RPAP2: variants seen among roughly 807,000 people sequenced by gnomAD.
RPAP2 encodes the protein RNA polymerase II associated protein 2, also known as putative RNA polymerase II subunit B1 CTD phosphatase RPAP2.
A neutral mutation model predicts 73.1 loss-of-function variants in RPAP2; 52 were observed. The observed-to-expected ratio is 0.71, with a 90% CI of 0.57 to 0.90. The LOEUF is 0.90. Ranked by LOEUF, RPAP2 falls within the 40% of genes least tolerant of loss-of-function variation. RPAP2 has a pLI of 0.00. For synonymous variants in RPAP2, 225 were observed against 242.1 expected (o/e 0.93, Z 0.65); for missense variants, 598 against 701.8 (o/e 0.85, Z 1.67).
At chr1:92,309,540 CATA>C (rs1288365204) in intron 6 of RPAP2, among the ~76,000 whole-genome samples, 1 of 4,136 alleles carries the variant, frequency 2.4e-4, no homozygotes, top group African/African-American at 5.4e-3. Context: ...AGGCTACACA[CATA>C]CACATACACA....
Position 92,401,520 on chromosome 1 carries a change from A to G in RPAP2, c.*14509A>G, listed in dbSNP as rs1656317214. 1 of 152,196 alleles carries G rather than the reference A, an allele frequency of 6.6e-6. No homozygotes were observed. Among genetic ancestry groups the G allele is most frequent in the Admixed American group, 6.5e-5 (1 of 15,268 alleles). The allele number at this position is 152,196 out of a possible 1,614,324, so 9.4% of individuals were successfully genotyped here. A position where few individuals can be genotyped will look rare whatever the true frequency, so the allele number is the denominator to read the frequency against. ...TATTGTACTTGTTCTTTGCCAACCC[A>G]TATGTCTTGCCTTACTGCCCTGGTT... On this transcript the variant is annotated 3_prime_UTR_variant, in exon 13 of 13. Coordinates refer to ENST00000610020, the MANE Select transcript of RPAP2 (RefSeq NM_024813.3).
intron 11 of RPAP2, among the ~76,000 whole-genome samples, chr1:92,350,589 CTT>C (rs1204672194): frequency 1.3e-5 from 2 of 152,144 alleles, no homozygotes; most frequent in African/African-American, 4.8e-5. Context: ...ATGTTAGGCT[CTT>C]TCCACAATCT....
rs184638301 is a variant in RPAP2, at chr1:92,354,838, G to A, written c.1688+8924G>A. Among the ~76,000 whole-genome samples, 83 of 150,800 alleles carry A rather than the reference G, an allele frequency of 5.5e-4. 3 individuals carry two copies. The East Asian group carries it at 0.013, about 24-fold the overall frequency. On this transcript the variant is annotated intron_variant, in intron 11 of 12. Coordinates refer to ENST00000610020, the MANE Select transcript of RPAP2 (RefSeq NM_024813.3). ...CATGCCTCTTGGTTTTTCAAATTTG[G>A]GGACATTAGCTTTGTGCCTAAAATT...
At chr1:92,345,379 TAA>T (rs57025975) in intron 10 of RPAP2, among the ~76,000 whole-genome samples, 1,286 of 73,730 alleles carry the variant, frequency 0.017, 18 homozygotes, top group African/African-American at 0.057. Context: ...CCCGTTTCTT[TAA>T]AAAAAAAAAA....
At chr1:92,363,069 A>G (rs111573731) in intron 11 of RPAP2, among the ~76,000 whole-genome samples, 8 of 152,208 alleles carry the variant, frequency 5.3e-5, no homozygotes, top group Admixed American at 2.0e-4. Context: ...CTCCAGGGGG[A>G]AAAAAATGCA....
rs979604093 is a variant in RPAP2 at position 92,307,371 on chromosome 1, T to C, written c.488+95T>C. The C allele has an allele frequency of 1.3e-5, 10 of 782,616 alleles. No homozygotes were observed. In the Admixed American group the frequency reaches 2.2e-4, roughly 18 times the overall value. The allele number at this position is 782,616 out of a possible 1,614,324, so 48.5% of individuals were successfully genotyped here. A position where few individuals can be genotyped will look rare whatever the true frequency, so the allele number is the denominator to read the frequency against. On this transcript the variant is annotated intron_variant, in intron 6 of 12. Coordinates refer to ENST00000610020, the MANE Select transcript of RPAP2 (RefSeq NM_024813.3). The stretch of plus-strand genomic sequence containing the variant: ...AGCTGAGAGTAAGTCTAGTTTTCTG[T>C]AAAAAGTTACCATTTTATATACTTT...
chr1:92,390,748 G>C lies in RPAP2; in HGVS notation c.*3737G>C, dbSNP rs1430459542. 2.0e-5 allele frequency: 3 copies of C among 152,126 alleles called. No homozygotes were observed. The highest frequency in any genetic ancestry group is 2.9e-5 in the Non-Finnish European group (2 of 68,028). 9.4% of individuals were successfully genotyped at this position (152,126 alleles called of 1,614,324 possible). On this transcript the variant is annotated 3_prime_UTR_variant, in exon 13 of 13. Transcript: ENST00000610020. The stretch of plus-strand genomic sequence containing the variant: ...GAAAAAAGCAGGGGTTGCAATCCTA[G>C]TCTCTGATAAAACAGACTTTAAACC...
At chr1:92,368,848 T>G (rs1433660889) in intron 11 of RPAP2, among the ~76,000 whole-genome samples, 2 of 152,242 alleles carry the variant, frequency 1.3e-5, no homozygotes, top group East Asian at 1.9e-4. Context: ...AGATGCAGTT[T>G]GACACTTGGC....
At chr1:92,383,575 T>C (rs1439292337) in intron 12 of RPAP2, among the ~76,000 whole-genome samples, 2 of 152,232 alleles carry the variant, frequency 1.3e-5, no homozygotes, top group Admixed American at 6.5e-5. Context: ...TTGTCTGTTA[T>C]TGGTGTATAA....
rs1219355051 is a variant in RPAP2 at position 92,387,275 on chromosome 1, A to G, written c.*264A>G. 3.5e-6 allele frequency: 1 copy of G among 285,484 alleles called. No homozygotes were observed. The highest frequency in any genetic ancestry group is 2.2e-5 in the African/African-American group (1 of 45,952). The allele number at this position is 285,484 out of a possible 1,614,324, so 17.7% of individuals were successfully genotyped here. ...CAAGACATAGTATTTTTATTCGAAA[A>G]TGAATGTTTAAGTATTAAATTGAAA... is the stretch of plus-strand genomic sequence containing the variant. On this transcript the variant is annotated 3_prime_UTR_variant, in exon 13 of 13. Transcript: ENST00000610020.
chr1:92,332,904 T>C (rs1350869137), intron 8 of RPAP2, among the ~76,000 whole-genome samples: 1 of 152,170 alleles, frequency 6.6e-6, no homozygotes, highest in Non-Finnish European at 1.5e-5. Context: ...TGCTAACAAA[T>C]GTGTTTCAAA....
At chr1:92,322,083 CT>C (rs1652306548) in intron 7 of RPAP2, among the ~76,000 whole-genome samples, 1 of 150,758 alleles carries the variant, frequency 6.6e-6, no homozygotes, top group East Asian at 2.0e-4. Context: ...GTAACTGGGA[CT>C]ACAGGCATGC....
At chr1:92,351,305 CAAAAAAAAAA>C (rs60111119) in intron 11 of RPAP2, among the ~76,000 whole-genome samples, 3 of 86,838 alleles carry the variant, frequency 3.5e-5, no homozygotes, top group Admixed American at 1.5e-4. Flanking sequence ...GACTCTGTCT[CAAAAAAAAAA>C]AAAAAAAAAA....
intron 3 of RPAP2, among the ~76,000 whole-genome samples, chr1:92,302,768 T>G (rs186962028): frequency 1.3e-5 from 2 of 151,718 alleles, no homozygotes; most frequent in African/African-American, 2.4e-5. Context: ...CCCGGCTAAT[T>G]TTTTTGTATT....
intron 11 of RPAP2, among the ~76,000 whole-genome samples, chr1:92,373,810 A>G (rs1467623369): frequency 2.0e-5 from 3 of 148,312 alleles, no homozygotes; most frequent in South Asian, 2.1e-4. Context: ...AATCCCAGCT[A>G]CTCGGGACTC....
intron 12 of RPAP2, among the ~76,000 whole-genome samples, chr1:92,384,511 C>G (rs1224544267): frequency 6.6e-6 from 1 of 151,552 alleles, no homozygotes; most frequent in Non-Finnish European, 1.5e-5. Context: ...GTAATCCCAG[C>G]TACTCAGGAG....
intron 12 of RPAP2, among the ~76,000 whole-genome samples, chr1:92,384,073 C>T (rs569366621): frequency 2.6e-5 from 4 of 152,022 alleles, no homozygotes; most frequent in South Asian, 2.1e-4. Context: ...ATTCTCCTGC[C>T]TCAGCCTCCC....
At chr1:92,306,846 A>G (rs1445488735) in intron 5 of RPAP2, among the ~76,000 whole-genome samples, 1 of 152,238 alleles carries the variant, frequency 6.6e-6, no homozygotes, top group Admixed American at 6.5e-5. Flanking sequence ...ATAAGAATGT[A>G]TAACAATATT....
chr1:92,373,739 TAAA>T (rs59586077), intron 11 of RPAP2, among the ~76,000 whole-genome samples: 3,966 of 80,660 alleles, frequency 0.049, 213 homozygotes, highest in African/African-American at 0.13. Context: ...CTACTAAAAA[TAAA>T]AAAAAAAAAA....
Sources: allele counts gnomAD v4.1 joint callset (sites outside exome capture counted in the v4.1 genomes callset), GRCh38; gene constraint gnomAD v4.1.1; transcripts MANE v1.5; gene names NCBI Gene and HGNC (gene_info 2026-07-23, HGNC 2026-07-21).